Variants in CROCC observed in about 807,000 individuals in gnomAD.
CROCC encodes the protein rootletin.
CROCC carries 180 observed loss-of-function variants against 245.2 expected under a neutral mutation model. The observed-to-expected ratio is 0.73, with a 90% CI of 0.65 to 0.83. The LOEUF (loss-of-function observed/expected upper bound fraction) is 0.83, where lower values mean the gene tolerates loss of function less well. CROCC is among the 40% of genes least tolerant of loss of function. The pLI, the probability that CROCC is intolerant of heterozygous loss-of-function variation, is 0.00. For synonymous variants in CROCC, 1,205 were observed against 1,241.6 expected (o/e 0.97, Z 0.62); for missense variants, 2,688 against 2,779.4 (o/e 0.97, Z 0.74).
chr1:16,946,782 C>A lies in CROCC; in HGVS notation c.2305C>A (p.Leu769Met). 1 of 1,551,790 alleles carries A rather than the reference C, an allele frequency of 6.4e-7. No homozygotes were observed. The highest frequency in any genetic ancestry group is 8.7e-7 in the Non-Finnish European group (1 of 1,147,152). The change falls in exon 17 of 37, where the codon CTG becomes ATG. Residue 769 changes from leucine to methionine, a missense_variant. Physicochemically the swap from Leu to Met is conservative, Grantham distance 15. Around this residue, in one of 9 missense-constraint regions of CROCC, gnomAD observed 295 missense variants for 241.7 expected, o/e 1.22. Transcript: ENST00000375541. ...CCAGCTGGAGGAAGAAAAGTCCGCC[C>A]TGCAGGGCCGGCAACGGCAGGCAGA... is the stretch of plus-strand genomic sequence containing the variant. ...VAQLEEEKSA[L>M]QGRQRQAEQE...
chr1:16,920,862 G>A (rs2075388995), upstream of CROCC, among the ~76,000 whole-genome samples: 1 of 151,610 alleles, frequency 6.6e-6, no homozygotes, highest in African/African-American at 2.4e-5. Context: ...TCCTGCCTCA[G>A]CCTCCCAAGT....
chr1:16,929,481 C>T (rs1358175026), intron 3 of CROCC, among the ~76,000 whole-genome samples: 1 of 152,282 alleles, frequency 6.6e-6, no homozygotes, highest in Non-Finnish European at 1.5e-5. Context: ...GGTGGGAAGA[C>T]ACAGGCATCA....
Position 16,954,773 on chromosome 1 carries a change from C to T in CROCC, c.3361C>T (p.Arg1121Trp), listed in dbSNP as rs201108592. Reference sequence around the variant, plus strand: ...TCTGACGTCTGAGCTGCGGGACCTACGGGCCCAGCGGGAGGAGGCTGCTGC... The same window carrying T: ...TCTGACGTCTGAGCTGCGGGACCTATGGGCCCAGCGGGAGGAGGCTGCTGC... ...NALTSELRDL[R>W]AQREEAAAAH... The change falls in exon 23 of 37, where the codon CGG becomes TGG. Residue 1121 changes from arginine to tryptophan, a missense_variant. By Grantham distance (101) the Arg-to-Trp change is moderately radical. Coordinates refer to ENST00000375541, the MANE Select transcript of CROCC (RefSeq NM_014675.5). This position sits in a 1 kb window ranked among gnomAD's most constrained non-coding sequence, Gnocchi z 4.4. The T allele has an allele frequency of 7.7e-4, 1,195 of 1,554,042 alleles. 3 individuals carry two copies. Among genetic ancestry groups the T allele is most frequent in the Middle Eastern group, 1.2e-3 (7 of 5,712 alleles).
At position 16,946,374 on chromosome 1, in the gene CROCC, A is replaced by G. The variant is rs2076046735; in HGVS notation, c.2252A>G (p.Asp751Gly). 6.2e-7 allele frequency: 1 copy of G among 1,612,864 alleles called. No homozygotes were observed. ...LSALNESLAQ[D>G]KLDLNRLVAQ... Reference sequence around the variant, plus strand: ...GCCCTCAACGAGAGCCTTGCTCAGGACAAGTTGGATCTGAACCGCCTTGTC... The same window carrying G: ...GCCCTCAACGAGAGCCTTGCTCAGGGCAAGTTGGATCTGAACCGCCTTGTC... Residue 751 changes from aspartate to glycine, a missense_variant, in exon 16 of 37, where the codon GAC (aspartate) becomes GGC (glycine). Physicochemically the swap from Asp to Gly is moderately conservative, Grantham distance 94. This residue lies in a region of CROCC where 295 missense variants were observed against 241.7 expected (regional missense o/e 1.22). Coordinates refer to ENST00000375541, the MANE Select transcript of CROCC (RefSeq NM_014675.5).
intron 27 of CROCC, among the ~76,000 whole-genome samples, chr1:16,962,547 A>G (rs1463156273): frequency 3.5e-5 from 5 of 142,646 alleles, no homozygotes; most frequent in Non-Finnish European, 1.5e-5. Context: ...AAAAAAAAAA[A>G]AAAAAAAAAA....
chr1:16,971,322 A>G, intron 35 of CROCC, 143 bp from the exon 36 acceptor site: 1 of 1,282,550 alleles, frequency 7.8e-7, no homozygotes, highest in Non-Finnish European at 1.0e-6. Flanking sequence ...TGTCAGGGCC[A>G]GCAGGATGGA....
upstream of CROCC, among the ~76,000 whole-genome samples, chr1:16,919,167 TG>T (rs1459215239): frequency 3.3e-4 from 51 of 152,390 alleles, no homozygotes; most frequent in African/African-American, 1.2e-3. Flanking sequence ...CGGTCCAGCC[TG>T]GACTGATGAG....
intron 26 of CROCC, among the ~76,000 whole-genome samples, chr1:16,960,490 G>T (rs2076312491): frequency 6.6e-6 from 1 of 152,224 alleles, no homozygotes; most frequent in Admixed American, 6.5e-5. Context: ...GCACTGATAA[G>T]CCCTATGTAT....
At chr1:16,937,520 C>T (rs1375515617) in intron 9 of CROCC, 121 bp from the exon 10 acceptor site, 10 of 787,152 alleles carry the variant, frequency 1.3e-5, no homozygotes, top group Non-Finnish European at 1.7e-5. Context: ...GGTCACACAG[C>T]CAGGGAGGTG....
At chr1:16,963,743 G>A (rs1158774294) in intron 27 of CROCC, among the ~76,000 whole-genome samples, 4 of 151,972 alleles carry the variant, frequency 2.6e-5, no homozygotes, top group Non-Finnish European at 5.9e-5. Context: ...CGGGCTGCCT[G>A]GATTCCCATC....
At chr1:16,960,687 T>G (rs1344976498) in intron 26 of CROCC, 71 bp from the exon 27 acceptor site, 28 of 1,400,126 alleles carry the variant, frequency 2.0e-5, no homozygotes, top group Non-Finnish European at 1.9e-6. Flanking sequence ...TGGGCTCCAG[T>G]CTGGGCCTTA....
At chr1:16,967,023 C>G (rs1210847086) in intron 30 of CROCC, among the ~76,000 whole-genome samples, 1 of 151,250 alleles carries the variant, frequency 6.6e-6, no homozygotes, top group East Asian at 2.0e-4. Flanking sequence ...CCACTGCACT[C>G]TAGCAAGGCA....
At chr1:16,933,982 T>G (rs2075735002) in intron 8 of CROCC, among the ~76,000 whole-genome samples, 1 of 152,286 alleles carries the variant, frequency 6.6e-6, no homozygotes, top group African/African-American at 2.4e-5. Context: ...AACATGTTTC[T>G]TTATCCCATG....
In CROCC at chr1:16,921,981, G is replaced by C; in HGVS notation, c.-38G>C. The C allele has an allele frequency of 6.5e-7, 1 of 1,536,392 alleles. No individual in the cohort carries two copies. The highest frequency in any genetic ancestry group is 8.8e-7 in the Non-Finnish European group (1 of 1,133,386). On this transcript the variant is annotated 5_prime_UTR_variant, in exon 1 of 37. Coordinates refer to ENST00000375541, the MANE Select transcript of CROCC (RefSeq NM_014675.5). Reference sequence around the variant, plus strand: ...TGACTGAGCTAGTCTTGGGGTCCTGGAGAAGGGGGCTGGAGGCATGCCCAC... The same window carrying C: ...TGACTGAGCTAGTCTTGGGGTCCTGCAGAAGGGGGCTGGAGGCATGCCCAC...
chr1:16,966,523 A>G lies in CROCC; in HGVS notation c.4812A>G (p.Thr1604=), dbSNP rs1465952197. 15 of 1,522,392 alleles carry G rather than the reference A, an allele frequency of 9.9e-6. No homozygotes were observed. The East Asian group carries it at 3.5e-4, about 35-fold the overall frequency. 94.3% of individuals were successfully genotyped at this position (1,522,392 alleles called of 1,614,324 possible). A position where few individuals can be genotyped will look rare whatever the true frequency, so the allele number is the denominator to read the frequency against. The change falls in exon 30 of 37, where the codon ACA becomes ACG. Residue 1604 remains threonine, a synonymous_variant. Transcript: ENST00000375541. The surrounding 1 kb of genome is among the most constrained non-coding windows in gnomAD (Gnocchi z 4.8). ...GGGCCACGCTGGACCAGGTGGCCAC[A>G]CTGGAGAGGAGCCTGCAGGCCACCG... ...ERRATLDQVA[T]LERSLQATES...
intron 6 of CROCC, 39 bp from the exon 7 acceptor site, chr1:16,930,390 C>A (rs773426122): frequency 1.2e-6 from 2 of 1,611,186 alleles, no homozygotes; most frequent in Admixed American, 3.3e-5. Flanking sequence ...AGGATGGCCC[C>A]CTGCGCGAGC....
chr1:16,926,029 G>A (rs796869987), intron 3 of CROCC, among the ~76,000 whole-genome samples: 45 of 152,402 alleles, frequency 3.0e-4, no homozygotes, highest in African/African-American at 1.1e-3. Context: ...AAGGGAAGAG[G>A]TGGGAGGTAG....
Position 16,961,088 on chromosome 1 carries a change from C to A in CROCC, c.4363C>A (p.Arg1455=). The change falls in exon 27 of 37, where the codon CGG becomes AGG. Residue 1455 remains arginine (R), a synonymous_variant. Transcript: ENST00000375541. ...CGGTCGCGCGCCCAGCCCAGCCCCG[C>A]GGCCAGTGCCCGGTTCCCCTGCCCG... ...GLGRAPSPAP[R]PVPGSPARDA... is the part of the protein sequence containing the mutation. 2.2e-6 allele frequency: 3 copies of A among 1,363,192 alleles called. No individual in the cohort carries two copies. Among genetic ancestry groups the A allele is most frequent in the South Asian group, 1.7e-5 (1 of 58,756 alleles). The allele number at this position is 1,363,192 out of a possible 1,614,324, so 84.4% of individuals were successfully genotyped here. A position where few individuals can be genotyped will look rare whatever the true frequency, so the allele number is the denominator to read the frequency against.
rs758264091 is a variant in CROCC at position 16,969,972 on chromosome 1, G to A, written c.5451+38G>A. On this transcript the variant is annotated intron_variant, in intron 33 of 36. Coordinates refer to ENST00000375541, the MANE Select transcript of CROCC (RefSeq NM_014675.5). ...GTGTGCCCCCTCTGTCCCCAAGACT[G>A]TGAGGCCCTAGGATAGGGTGGGGAC... 4.5e-6 allele frequency: 7 copies of A among 1,541,512 alleles called. No homozygotes were observed. In the South Asian group the frequency reaches 8.8e-5, roughly 19 times the overall value.
Sources: gnomAD v4.1 joint callset for allele counts (sites outside exome capture counted in the v4.1 genomes callset) on GRCh38, gnomAD v4.1.1 for gene constraint, gnomAD v4.1.1 regional missense constraint, Gnocchi (gnomAD v3.1) non-coding constraint, MANE v1.5 for transcripts, NCBI Gene and HGNC (gene_info 2026-07-23, HGNC 2026-07-21) for gene names.